PRKDC: variants seen among roughly 807,000 people sequenced by gnomAD.
PRKDC encodes protein kinase, DNA-activated, catalytic subunit.
In PRKDC, 82 loss-of-function variants were observed where a neutral mutation model predicts 486.9. That is an observed-to-expected ratio of 0.17 (90% CI 0.14 to 0.20). The LOEUF (loss-of-function observed/expected upper bound fraction) is 0.20. Among genes scored for constraint, PRKDC ranks in the 10% least tolerant of loss-of-function variants. The pLI, the probability that PRKDC is intolerant of heterozygous loss-of-function variation, is 1.00. For missense variants in PRKDC, 4,504 were observed against 5,038.2 expected, an observed-to-expected ratio of 0.89 and a Z score of 3.21; for synonymous variants, 1,895 against 1,837.0, an observed-to-expected ratio of 1.03 and a Z score of -0.81.
intron 12 of PRKDC, 85 bp from the exon 13 acceptor site, chr8:47,935,985 C>A: frequency 3.9e-6 from 5 of 1,285,692 alleles, no homozygotes; most frequent in Non-Finnish European, 3.2e-6. Flanking sequence ...GTAATTACAA[C>A]TGAATTAGAT....
chr8:47,830,555 T>C, intron 61 of PRKDC, 50 bp downstream of exon 61: 1 of 1,600,068 alleles, frequency 6.2e-7, no homozygotes, highest in Non-Finnish European at 8.5e-7. Flanking sequence ...ACCCCTGAAC[T>C]GGAAACAGAT....
intron 76 of PRKDC, 47 bp from the exon 77 acceptor site, chr8:47,785,364 C>T (rs1004514297): frequency 7.0e-7 from 1 of 1,434,060 alleles, no homozygotes; most frequent in Admixed American, 2.1e-5. Flanking sequence ...TTAGTTTGGA[C>T]TTTGGAAAAG....
At chr8:47,918,420 CTCAT>C (rs1456441352) in intron 21 of PRKDC, 37 bp from the exon 22 acceptor site, 2 of 1,266,442 alleles carry the variant, frequency 1.6e-6, no homozygotes, top group Non-Finnish European at 2.2e-6. Flanking sequence ...TAAAATAGCA[CTCAT>C]TCATTCATTT....
chr8:47,897,422 G>T, intron 29 of PRKDC, 128 bp from the exon 30 acceptor site: 1 of 930,204 alleles, frequency 1.1e-6, no homozygotes. Context: ...AAAGGCATTC[G>T]ACTTATTTTT....
chr8:47,814,485 C>T (rs1355558717), intron 68 of PRKDC, among the ~76,000 whole-genome samples: 1 of 152,018 alleles, frequency 6.6e-6, no homozygotes, highest in Non-Finnish European at 1.5e-5. Context: ...ACTAAAACTA[C>T]CATGTTAGCA....
intron 52 of PRKDC, among the ~76,000 whole-genome samples, chr8:47,850,760 A>G (rs1307970307): frequency 7.2e-5 from 11 of 152,238 alleles, no homozygotes; most frequent in Admixed American, 5.9e-4. Flanking sequence ...GCTGTGTGCC[A>G]CAGGTGCTGA....
chr8:47,805,413 G>T (rs2087198293), intron 69 of PRKDC, among the ~76,000 whole-genome samples: 1 of 152,112 alleles, frequency 6.6e-6, no homozygotes, highest in Non-Finnish European at 1.5e-5. Flanking sequence ...GAGCTGGTTG[G>T]CCATTTGCCT....
chr8:47,929,760 T>C (rs1210647072), intron 18 of PRKDC, 93 bp downstream of exon 18: 17 of 1,300,070 alleles, frequency 1.3e-5, no homozygotes, highest in Non-Finnish European at 1.7e-5. Flanking sequence ...ACTTTAAAAC[T>C]GCATAGGCCA....
At chr8:47,861,995 T>A in intron 44 of PRKDC, 67 bp downstream of exon 44, 1 of 1,282,728 alleles carries the variant, frequency 7.8e-7, no homozygotes, top group Non-Finnish European at 1.1e-6. Flanking sequence ...CTTAACGTGT[T>A]TGACATAATA....
intron 38 of PRKDC, 74 bp from the exon 39 acceptor site, chr8:47,879,732 G>T: frequency 8.2e-7 from 1 of 1,218,568 alleles, no homozygotes; most frequent in Non-Finnish European, 1.1e-6. Flanking sequence ...TAAAATTACT[G>T]TAAGACATTG....
At chr8:47,777,094 G>A in intron 84 of PRKDC, 111 bp from the exon 85 acceptor site, 1 of 1,353,598 alleles carries the variant, frequency 7.4e-7, no homozygotes, top group Non-Finnish European at 1.0e-6. Flanking sequence ...CTATAACCAG[G>A]AGCAGCCTTG....
At chr8:47,942,567 C>T (rs757331083) in intron 10 of PRKDC, among the ~76,000 whole-genome samples, 4 of 152,212 alleles carry the variant, frequency 2.6e-5, no homozygotes, top group Non-Finnish European at 5.9e-5. Flanking sequence ...CTACTGTTTA[C>T]CCATGTACAG....
chr8:47,899,649 A>G (rs1469911623), intron 28 of PRKDC, among the ~76,000 whole-genome samples: 1 of 152,166 alleles, frequency 6.6e-6, no homozygotes, highest in Non-Finnish European at 1.5e-5. Context: ...ATCACAAAAA[A>G]TAAACAAATA....
At chr8:47,892,769 C>G (rs955462038) in intron 31 of PRKDC, among the ~76,000 whole-genome samples, 3 of 152,176 alleles carry the variant, frequency 2.0e-5, no homozygotes, top group Non-Finnish European at 2.9e-5. Context: ...TTAAGGGACT[C>G]TGCAAAATTT....
chr8:47,802,767 C>A (rs1292960975), intron 70 of PRKDC, among the ~76,000 whole-genome samples: 2 of 152,138 alleles, frequency 1.3e-5, no homozygotes, highest in Non-Finnish European at 2.9e-5. Context: ...ATTCTCCTGC[C>A]TCAGCCTCCC....
intron 50 of PRKDC, among the ~76,000 whole-genome samples, chr8:47,854,981 G>GT (rs1333743093): frequency 3.9e-5 from 6 of 152,188 alleles, no homozygotes; most frequent in Admixed American, 3.9e-4. Flanking sequence ...CCAACGGAAG[G>GT]TAGTGCCCCT....
intron 19 of PRKDC, among the ~76,000 whole-genome samples, chr8:47,928,755 C>A (rs766224236): frequency 6.6e-6 from 1 of 152,068 alleles, no homozygotes; most frequent in African/African-American, 2.4e-5. Flanking sequence ...GCAATCTCAG[C>A]TCACTGCAAC....
At chr8:47,920,004 T>C (rs2090047695) in intron 21 of PRKDC, among the ~76,000 whole-genome samples, 1 of 152,194 alleles carries the variant, frequency 6.6e-6, no homozygotes, top group Non-Finnish European at 1.5e-5. Context: ...AACAATAGCA[T>C]GAGGCATCTG....
At chr8:47,835,253 T>G (rs532380305) in intron 58 of PRKDC, among the ~76,000 whole-genome samples, 1 of 152,306 alleles carries the variant, frequency 6.6e-6, no homozygotes, top group South Asian at 2.1e-4. Context: ...GGTGATAAGA[T>G]GTCTTAAATT....
Sources: allele counts gnomAD v4.1 joint callset (sites outside exome capture counted in the v4.1 genomes callset), GRCh38; gene constraint gnomAD v4.1.1; transcripts MANE v1.5; gene names NCBI Gene and HGNC (gene_info 2026-07-23, HGNC 2026-07-21).